Variants in GRIP1 observed in about 807,000 individuals in gnomAD.
GRIP1 encodes the protein glutamate receptor-interacting protein 1.
In GRIP1, 45 loss-of-function variants were observed where a neutral mutation model predicts 129.9. The ratio of observed to expected loss-of-function variants is 0.35; its 90% CI spans 0.27 to 0.44. The LOEUF is 0.44. GRIP1 is among the 20% of genes least tolerant of loss of function. The probability of loss-of-function intolerance (pLI) is 1.00; values close to 1 mark genes in which losing one functional copy is unlikely to be tolerated. For synonymous variants in GRIP1, 530 were observed against 520.8 expected, an observed-to-expected ratio of 1.02 and a Z score of -0.24; for missense variants, 1,196 against 1,396.8, an observed-to-expected ratio of 0.86 and a Z score of 2.29.
intron 1 of GRIP1, among the ~76,000 whole-genome samples, chr12:66,715,872 T>A: frequency 6.6e-6 from 1 of 152,030 alleles, no homozygotes; most frequent in Non-Finnish European, 1.5e-5. Context: ...GGAACATTCA[T>A]CAGGCCAGCT....
chr12:66,379,744 G>A (rs2056012905), intron 19 of GRIP1, among the ~76,000 whole-genome samples: 1 of 152,170 alleles, frequency 6.6e-6, no homozygotes, highest in East Asian at 1.9e-4. Context: ...GGGAGTTCAA[G>A]TCATAATTTT....
At chr12:66,761,403 C>G (rs2037471275) in intron 1 of GRIP1, among the ~76,000 whole-genome samples, 1 of 152,132 alleles carries the variant, frequency 6.6e-6, no homozygotes, top group Non-Finnish European at 1.5e-5. Context: ...TGCATATTTG[C>G]TTATTGTTTC....
intron 2 of GRIP1, chr12:66,570,894 T>C (rs747001160): frequency 6.6e-6 from 1 of 152,202 alleles, no homozygotes; most frequent in African/African-American, 2.4e-5. Context: ...CACATACATT[T>C]GATTCTCACA....
intron 1 of GRIP1, among the ~76,000 whole-genome samples, chr12:66,685,321 G>C (rs111581895): frequency 1.3e-5 from 2 of 151,804 alleles, no homozygotes; most frequent in South Asian, 4.2e-4. Flanking sequence ...GTCAAATTTT[G>C]TTCTTTTTTT....
At chr12:66,858,844 T>C (rs1207492812) in intron 1 of GRIP1, among the ~76,000 whole-genome samples, 1 of 151,808 alleles carries the variant, frequency 6.6e-6, no homozygotes, top group African/African-American at 2.4e-5. Context: ...GAGAAAAATA[T>C]CATCCTGGAA....
Position 66,946,348 on chromosome 12 carries a change from T to C in GRIP1, c.58+122702A>G, listed in dbSNP as rs554453381. Among the ~76,000 whole-genome samples the C allele has an allele frequency of 1.5e-3, 232 of 152,300 alleles. 1 individual carries two copies. The highest frequency in any genetic ancestry group is 2.3e-3 in the Non-Finnish European group (159 of 68,020). On this transcript the variant is annotated intron_variant, in intron 1 of 1. Transcript: ENST00000643019. ...CCTAAACCCAGTAGAGGTCCTGAGA[T>C]TGCAGACTATCCTTAAAAATGATCA... is the stretch of plus-strand genomic sequence containing the variant.
At chr12:66,938,818 G>A (rs910925823) in intron 1 of GRIP1, among the ~76,000 whole-genome samples, 11 of 152,140 alleles carry the variant, frequency 7.2e-5, no homozygotes, top group East Asian at 1.9e-4. Flanking sequence ...TTAGCCAGGC[G>A]TGGTGGTGCA....
In GRIP1 at chr12:66,371,836, C is replaced by T. The variant is rs202030145; in HGVS notation, c.2870G>A (p.Arg957His). The change falls in exon 23 of 25, where the codon CGC (arginine) becomes CAC (histidine). Residue 957 changes from arginine to histidine, a missense_variant. Coordinates refer to ENST00000359742, the MANE Select transcript of GRIP1 (RefSeq NM_001366722.1). Reference sequence around the variant, plus strand: ...GCTGTAGTGCGGCCGCGAGCTGCTGCGCTCCTGGAAGCTGGCCTGTCGCCC... The same window carrying T: ...GCTGTAGTGCGGCCGCGAGCTGCTGTGCTCCTGGAAGCTGGCCTGTCGCCC... ...QLGRQASFQE[R>H]SSSRPHYSQT... The T allele has an allele frequency of 5.5e-4, 893 of 1,613,736 alleles. 1 individual carries two copies. The highest frequency in any genetic ancestry group is 6.9e-4 in the Non-Finnish European group (815 of 1,179,872).
chr12:66,933,777 A>G (rs578204848), intron 1 of GRIP1, among the ~76,000 whole-genome samples: 3 of 152,206 alleles, frequency 2.0e-5, no homozygotes, highest in Non-Finnish European at 4.4e-5. Context: ...TAAACTTGCA[A>G]ATATTTGAAT....
chr12:66,415,276 C>T (rs1021997767), intron 15 of GRIP1, among the ~76,000 whole-genome samples: 1 of 151,000 alleles, frequency 6.6e-6, no homozygotes, highest in East Asian at 1.9e-4. Context: ...AAGAACTTCA[C>T]TTCTCAAAAA....
chr12:66,767,947 G>A (rs889588357), intron 1 of GRIP1, among the ~76,000 whole-genome samples: 1 of 152,164 alleles, frequency 6.6e-6, no homozygotes, highest in Non-Finnish European at 1.5e-5. Flanking sequence ...GAAGAGGGGA[G>A]GGTTAAGAAT....
intron 1 of GRIP1, among the ~76,000 whole-genome samples, chr12:66,711,052 C>G (rs2035696476): frequency 6.6e-6 from 1 of 151,760 alleles, no homozygotes; most frequent in Non-Finnish European, 1.5e-5. Flanking sequence ...CTTCATTCTT[C>G]ATATATGGTG....
intron 1 of GRIP1, among the ~76,000 whole-genome samples, chr12:66,667,262 C>T (rs1217049617): frequency 6.6e-6 from 1 of 152,116 alleles, no homozygotes; most frequent in East Asian, 1.9e-4. Flanking sequence ...TTAATTTTAG[C>T]AGTCATAGTT....
At chr12:66,572,406 G>A (rs937463535) in intron 2 of GRIP1, among the ~76,000 whole-genome samples, 1 of 152,150 alleles carries the variant, frequency 6.6e-6, no homozygotes, top group African/African-American at 2.4e-5. Flanking sequence ...TAAAGGTAAA[G>A]TGTGTTTCCT....
chr12:66,999,443 G>C (rs948125875), intron 1 of GRIP1, among the ~76,000 whole-genome samples: 1 of 152,128 alleles, frequency 6.6e-6, no homozygotes, highest in Non-Finnish European at 1.5e-5. Context: ...CAAAGCCCAT[G>C]CACTCAACAA....
In GRIP1 at chr12:66,838,101, G is replaced by C. The variant is rs569386732; in HGVS notation, c.58+230949C>G. 6.6e-5 allele frequency among the ~76,000 whole-genome samples: 10 copies of C among 151,018 alleles called. No individual in the cohort carries two copies. In the East Asian group the frequency reaches 1.8e-3, roughly 27 times the overall value. ...CTCCAGAGGCTGAGGCAGGAGAATC[G>C]CTTGAACCCGGAAGGCAGGGTTGCA... On this transcript the variant is annotated intron_variant, in intron 1 of 1. Coordinates refer to the GRIP1 transcript ENST00000643019.
chr12:66,955,007 G>A (rs1203562054), intron 1 of GRIP1, among the ~76,000 whole-genome samples: 1 of 151,986 alleles, frequency 6.6e-6, no homozygotes, highest in Non-Finnish European at 1.5e-5. Flanking sequence ...GGAGATGAAG[G>A]AGTTAGCCAT....
At chr12:66,393,086 A>C (rs1189010554) in intron 17 of GRIP1, among the ~76,000 whole-genome samples, 4 of 151,876 alleles carry the variant, frequency 2.6e-5, no homozygotes, top group African/African-American at 9.7e-5. Flanking sequence ...GTCATTGGTT[A>C]AGCACCCTAA....
At chr12:67,006,127 G>A (rs1002591884) in intron 1 of GRIP1, among the ~76,000 whole-genome samples, 1 of 152,198 alleles carries the variant, frequency 6.6e-6, no homozygotes, top group South Asian at 2.1e-4. Context: ...CACAGTAAGC[G>A]TAAATAAATA....
Sources: allele counts gnomAD v4.1 joint callset (sites outside exome capture counted in the v4.1 genomes callset), GRCh38; gene constraint gnomAD v4.1.1; transcripts MANE v1.5; gene names NCBI Gene and HGNC (gene_info 2026-07-23, HGNC 2026-07-21).